MYCBP2: variants seen among roughly 807,000 people sequenced by gnomAD.
The protein encoded by MYCBP2 is MYC binding protein 2.
Under a neutral mutation model 525.3 loss-of-function variants are expected in MYCBP2, and 120 were observed. The observed-to-expected ratio is 0.23, with a 90% CI of 0.20 to 0.27. MYCBP2 has a LOEUF of 0.27. MYCBP2 is among the 10% of genes least tolerant of loss of function. MYCBP2 has a pLI of 1.00. For missense variants in MYCBP2, 4,149 were observed against 5,657.1 expected, an observed-to-expected ratio of 0.73 and a Z score of 8.55; for synonymous variants, 1,894 against 1,955.8, an observed-to-expected ratio of 0.97 and a Z score of 0.83.
At chr13:77,264,877 A>G (rs771464518) in intron 8 of MYCBP2, among the ~76,000 whole-genome samples, 6 of 152,100 alleles carry the variant, frequency 3.9e-5, no homozygotes, top group Non-Finnish European at 5.9e-5. Context: ...GCACACACAC[A>G]CACACACACA....
intron 78 of MYCBP2, 34 bp from the exon 79 acceptor site, chr13:77,057,127 T>C: frequency 1.4e-6 from 2 of 1,429,806 alleles, no homozygotes; most frequent in East Asian, 2.3e-5. Flanking sequence ...CATAAGCAAA[T>C]ATAATAATGA....
chr13:77,135,998 G>A (rs2053697765), intron 52 of MYCBP2, among the ~76,000 whole-genome samples: 3 of 151,984 alleles, frequency 2.0e-5, no homozygotes, highest in Admixed American at 2.0e-4. Context: ...ACCACGCCTG[G>A]CTAATTTTTG....
chr13:77,215,973 G>T (rs1211519643), intron 21 of MYCBP2, among the ~76,000 whole-genome samples: 1 of 152,198 alleles, frequency 6.6e-6, no homozygotes. Context: ...CACTTCTAGT[G>T]CCCAGTTAGT....
chr13:77,190,810 T>C (rs1595281061), intron 28 of MYCBP2, among the ~76,000 whole-genome samples: 1 of 152,178 alleles, frequency 6.6e-6, no homozygotes, highest in South Asian at 2.1e-4. Context: ...TACAGTAGTC[T>C]CCTTGAATAT....
At chr13:77,078,995 T>C in intron 65 of MYCBP2, 106 bp from the exon 66 acceptor site, 1 of 913,820 alleles carries the variant, frequency 1.1e-6, no homozygotes, top group South Asian at 1.4e-5. Flanking sequence ...TGCCTGTCTC[T>C]TATGGTCCTT....
At chr13:77,156,336 C>G in intron 45 of MYCBP2, 134 bp from the exon 46 acceptor site, 1 of 791,448 alleles carries the variant, frequency 1.3e-6, no homozygotes, top group Non-Finnish European at 1.9e-6. Context: ...ATTTCCAACT[C>G]AGTGATAATC....
At position 77,214,033 on chromosome 13, in the gene MYCBP2, A is replaced by C. The variant is rs191449695; in HGVS notation, c.3058-1873T>G. 5.1e-4 allele frequency among the ~76,000 whole-genome samples: 77 copies of C among 152,340 alleles called. No homozygotes were observed. In the East Asian group the frequency reaches 0.014, roughly 28 times the overall value. ...AAAGCACAGGGAAACACATGCCCCC[A>C]AAAAGAAAGTTAACCTTCAATGCCA... On this transcript the variant is annotated intron_variant, in intron 21 of 82. Transcript: ENST00000544440.
Position 77,097,646 on chromosome 13 carries a change from T to A in MYCBP2, c.9508A>T (p.Ile3170Phe). ...LQHLVAFWED[I>F]SLATIKAASQ... The stretch of plus-strand genomic sequence containing the variant: ...GCAGCTTTGATAGTAGCCAAAGAGA[T>A]GTCTTCCCAAAAAGCCACTAAATGT... The change falls in exon 56 of 83, where the codon ATC becomes TTC. Residue 3170 changes from isoleucine to phenylalanine, a missense_variant. Physicochemically the swap from Ile to Phe is conservative, Grantham distance 21 (BLOSUM62 0). Around this residue, in one of 21 missense-constraint regions of MYCBP2, gnomAD observed 653 missense variants for 744.7 expected, o/e 0.88. Transcript: ENST00000544440. The A allele has an allele frequency of 1.9e-6, 3 of 1,613,696 alleles. No individual in the cohort carries two copies. The highest frequency in any genetic ancestry group is 8.5e-7 in the Non-Finnish European group (1 of 1,179,822).
chr13:77,106,382 G>C (rs1374475377), intron 55 of MYCBP2, among the ~76,000 whole-genome samples: 8 of 152,002 alleles, frequency 5.3e-5, no homozygotes, highest in Non-Finnish European at 1.2e-4. Flanking sequence ...ATAACAATTT[G>C]CTAAATTATT....
intron 73 of MYCBP2, among the ~76,000 whole-genome samples, chr13:77,063,558 C>CAAAAA (rs67648208): frequency 8.9e-5 from 6 of 67,418 alleles, no homozygotes; most frequent in Non-Finnish European, 1.5e-4. Context: ...AACTCTGTCT[C>CAAAAA]AAAAAAAAAA....
intron 7 of MYCBP2, among the ~76,000 whole-genome samples, chr13:77,269,407 G>T (rs769323778): frequency 3.9e-5 from 6 of 152,110 alleles, no homozygotes; most frequent in Non-Finnish European, 8.8e-5. Context: ...AGGCCCAGGC[G>T]GGTGGCTCAC....
chr13:77,206,700 C>T lies in MYCBP2; in HGVS notation c.3542G>A (p.Gly1181Glu), dbSNP rs766614571. Residue 1181 changes from glycine to glutamate, a missense_variant, in exon 24 of 83, where the codon GGA (glycine) becomes GAA (glutamate). Coordinates refer to ENST00000544440, the MANE Select transcript of MYCBP2 (RefSeq NM_015057.5). ...AGATCGGGTAGTGAGGGCCCTTGATCCTGTTGGTAAGGCAAGTTCAGGACT... is the reference window on the plus strand; with the variant it reads ...AGATCGGGTAGTGAGGGCCCTTGATTCTGTTGGTAAGGCAAGTTCAGGACT... ...ILSPELALPT[G>E]SRALTTRSHA... is the part of the protein sequence containing the mutation. 34 of 1,609,934 alleles carry T rather than the reference C, an allele frequency of 2.1e-5. No individual in the cohort carries two copies. Among genetic ancestry groups the T allele is most frequent in the Non-Finnish European group, 2.9e-5 (34 of 1,177,818 alleles).
intron 43 of MYCBP2, among the ~76,000 whole-genome samples, chr13:77,162,767 C>T (rs2058090659): frequency 6.6e-6 from 1 of 152,144 alleles, no homozygotes; most frequent in South Asian, 2.1e-4. Flanking sequence ...AGTGATTCTC[C>T]TGCCCCAGCC....
chr13:77,223,415 A>C (rs181639141), intron 20 of MYCBP2, among the ~76,000 whole-genome samples: 136 of 152,298 alleles, frequency 8.9e-4, no homozygotes, highest in African/African-American at 2.9e-3. Flanking sequence ...AATTCTTTGC[A>C]TATCTAATCC....
At chr13:77,077,048 C>G (rs745842617) in intron 67 of MYCBP2, 100 bp downstream of exon 67, 62 of 1,481,118 alleles carry the variant, frequency 4.2e-5, no homozygotes, top group Non-Finnish European at 4.8e-5. Context: ...ACATTTATAG[C>G]CAGAAATTTC....
At position 77,326,907 on chromosome 13, in the gene MYCBP2, A is replaced by G; in HGVS notation, c.-132T>C. On this transcript the variant is annotated 5_prime_UTR_variant, in exon 1 of 83. The change abolishes the stop of an existing upstream ORF in the 5' untranslated region. Transcript: ENST00000544440. This position sits in a 1 kb window ranked among gnomAD's most constrained non-coding sequence, Gnocchi z 4.2. ...CTCTGGCTCCCGCAGCAGGGAGACT[A>G]CAAAGACAGCGACCTCCTTCTCCTC... 1 of 822,280 alleles carries G rather than the reference A, an allele frequency of 1.2e-6. No individual in the cohort carries two copies. The highest frequency in any genetic ancestry group is 1.7e-6 in the Non-Finnish European group (1 of 591,940). 50.9% of individuals were successfully genotyped at this position (822,280 alleles called of 1,614,324 possible). A position where few individuals can be genotyped will look rare whatever the true frequency, so the allele number is the denominator to read the frequency against.
chr13:77,260,793 G>A (rs944185955), intron 12 of MYCBP2, among the ~76,000 whole-genome samples: 17 of 151,958 alleles, frequency 1.1e-4, no homozygotes, highest in South Asian at 2.1e-4. Context: ...TAATATTTAC[G>A]CTATCATTGC....
At chr13:77,225,396 T>G in intron 19 of MYCBP2, 39 bp downstream of exon 19, 2 of 1,611,432 alleles carry the variant, frequency 1.2e-6, no homozygotes, top group Non-Finnish European at 1.7e-6. Flanking sequence ...TGAGCACAAT[T>G]GTAAAAACGC....
At chr13:77,172,205 A>AT (rs1011395491) in intron 37 of MYCBP2, among the ~76,000 whole-genome samples, 174 of 145,338 alleles carry the variant, frequency 1.2e-3, no homozygotes, top group East Asian at 3.8e-3. Context: ...GCTGACCTGA[A>AT]TTTTTTTTTT....
Sources: allele counts gnomAD v4.1 joint callset (sites outside exome capture counted in the v4.1 genomes callset), GRCh38; gene constraint gnomAD v4.1.1; regional missense constraint gnomAD v4.1.1; non-coding constraint Gnocchi (gnomAD v3.1); transcripts MANE v1.5; gene names NCBI Gene and HGNC (gene_info 2026-07-23, HGNC 2026-07-21).